KSR2: variants seen among roughly 807,000 people sequenced by gnomAD.
KSR2 encodes the protein kinase suppressor of ras 2.
Under a neutral mutation model 107.8 loss-of-function variants are expected in KSR2, and 25 were observed. That is an observed-to-expected ratio of 0.23 (90% CI 0.17 to 0.32). The LOEUF (loss-of-function observed/expected upper bound fraction) is 0.32. KSR2 is among the 10% of genes least tolerant of loss of function. KSR2 has a pLI of 1.00. For synonymous variants in KSR2, 480 were observed against 507.0 expected (o/e 0.95, Z 0.71); for missense variants, 887 against 1,268.9 (o/e 0.70, Z 4.57).
intron 7 of KSR2, among the ~76,000 whole-genome samples, chr12:117,570,778 C>T (rs1349130017): frequency 6.6e-6 from 1 of 152,188 alleles, no homozygotes; most frequent in Non-Finnish European, 1.5e-5. Context: ...CACTGTGTAT[C>T]AGAGAGGTTT....
chr12:117,543,004 G>C (rs1876617616), intron 9 of KSR2, among the ~76,000 whole-genome samples: 1 of 152,166 alleles, frequency 6.6e-6, no homozygotes, highest in Non-Finnish European at 1.5e-5. Flanking sequence ...GGATGTACTA[G>C]AGTTTGTTTA....
At chr12:117,750,469 T>C (rs1461611077) in intron 4 of KSR2, among the ~76,000 whole-genome samples, 2 of 152,070 alleles carry the variant, frequency 1.3e-5, no homozygotes, top group African/African-American at 4.8e-5. Context: ...CATTATAAGA[T>C]TTTTATTTTT....
intron 1 of KSR2, among the ~76,000 whole-genome samples, chr12:117,935,206 G>T (rs1202584871): frequency 6.6e-6 from 1 of 151,522 alleles, no homozygotes; most frequent in African/African-American, 2.4e-5. Context: ...CCCGATCACA[G>T]CTCACTGCAG....
In KSR2 at chr12:117,674,195, C is replaced by T. The variant is rs137930404; in HGVS notation, c.987-6537G>A. On this transcript the variant is annotated intron_variant, in intron 4 of 19. Coordinates refer to ENST00000339824, the MANE Select transcript of KSR2 (RefSeq NM_173598.6). ...TACAGTATCAAAACTAAAAGGATCC[C>T]GAGAAATCTTACATTGTCTTTGAAT... 45 of 442,526 alleles carry T rather than the reference C, an allele frequency of 1.0e-4. No individual in the cohort carries two copies. In the East Asian group the frequency reaches 1.9e-3, roughly 19 times the overall value. The allele number at this position is 442,526 out of a possible 1,614,324, so 27.4% of individuals were successfully genotyped here. A position where few individuals can be genotyped will look rare whatever the true frequency, so the allele number is the denominator to read the frequency against.
At chr12:117,938,854 C>T (rs919360201) in intron 1 of KSR2, among the ~76,000 whole-genome samples, 3 of 152,092 alleles carry the variant, frequency 2.0e-5, no homozygotes, top group East Asian at 1.9e-4. Flanking sequence ...TTTCAGATAC[C>T]GTGTCCAGAA....
In KSR2 at chr12:117,632,489, G is replaced by A. The variant is rs536805254; in HGVS notation, c.1171+34985C>T. Among the ~76,000 whole-genome samples the A allele has an allele frequency of 2.6e-5, 4 of 152,144 alleles. No homozygotes were observed. The East Asian group carries it at 7.8e-4, about 29-fold the overall frequency. Reference sequence around the variant, plus strand: ...GATCAACCTGCCTCGGCCTCCCAAAGTGCTGGGATTACAGGCATGAGCCAC... The same window carrying A: ...GATCAACCTGCCTCGGCCTCCCAAAATGCTGGGATTACAGGCATGAGCCAC... On this transcript the variant is annotated intron_variant, in intron 5 of 19. Coordinates refer to ENST00000339824, the MANE Select transcript of KSR2 (RefSeq NM_173598.6).
intron 3 of KSR2, among the ~76,000 whole-genome samples, chr12:117,839,361 C>T (rs368076462): frequency 3.3e-5 from 5 of 152,272 alleles, no homozygotes; most frequent in African/African-American, 9.6e-5. Flanking sequence ...GCTGGTACCC[C>T]GCAATTTACT....
At chr12:117,653,034 A>AT (rs1432211078) in intron 5 of KSR2, among the ~76,000 whole-genome samples, 1 of 152,232 alleles carries the variant, frequency 6.6e-6, no homozygotes, top group Non-Finnish European at 1.5e-5. Context: ...AAAATAGTAA[A>AT]TCAAAAACAA....
intron 1 of KSR2, among the ~76,000 whole-genome samples, chr12:117,924,602 A>AAAG (rs1354873818): frequency 1.3e-5 from 2 of 150,574 alleles, no homozygotes; most frequent in Non-Finnish European, 3.0e-5. Flanking sequence ...AAAAAGAAAG[A>AAAG]AAGAAAAGAA....
At chr12:117,762,847 A>G (rs1889090592) in intron 3 of KSR2, among the ~76,000 whole-genome samples, 1 of 152,050 alleles carries the variant, frequency 6.6e-6, no homozygotes, top group Non-Finnish European at 1.5e-5. Context: ...CAGCCTGGGC[A>G]ACAAGAGTGA....
At chr12:117,733,598 G>A (rs1887817150) in intron 4 of KSR2, among the ~76,000 whole-genome samples, 2 of 152,148 alleles carry the variant, frequency 1.3e-5, no homozygotes, top group Admixed American at 1.3e-4. Flanking sequence ...GCTGCCAAGA[G>A]CCTGCTGTAT....
chr12:117,573,511 T>C (rs1349779473), intron 7 of KSR2, among the ~76,000 whole-genome samples: 1 of 148,292 alleles, frequency 6.7e-6, no homozygotes, highest in African/African-American at 2.5e-5. Flanking sequence ...CCTGTGTTCC[T>C]ATCACATGTT....
At chr12:117,668,231 G>A (rs1884748789) in intron 4 of KSR2, among the ~76,000 whole-genome samples, 1 of 152,212 alleles carries the variant, frequency 6.6e-6, no homozygotes, top group South Asian at 2.1e-4. Context: ...GCCTTCGGTA[G>A]GATCACAGTG....
Position 117,968,430 on chromosome 12 carries a change from G to A in KSR2, c.-175C>T, listed in dbSNP as rs1896864480. 2 of 1,326,624 alleles carry A rather than the reference G, an allele frequency of 1.5e-6. No homozygotes were observed. Among genetic ancestry groups the A allele is most frequent in the South Asian group, 2.4e-5 (1 of 41,208 alleles). The allele number at this position is 1,326,624 out of a possible 1,614,324, so 82.2% of individuals were successfully genotyped here. ...TGAGGGGGTGGGAGTGGGAGGAGGG[G>A]ACAAGAGCCAAAATTTATTATTTTA... On this transcript the variant is annotated 5_prime_UTR_variant, in exon 1 of 20. Coordinates refer to ENST00000339824, the MANE Select transcript of KSR2 (RefSeq NM_173598.6).
chr12:117,793,508 C>T (rs1267409949), intron 3 of KSR2, among the ~76,000 whole-genome samples: 1 of 134,736 alleles, frequency 7.4e-6, no homozygotes, highest in Non-Finnish European at 1.5e-5. Flanking sequence ...CACCCTTACA[C>T]CAATATGCAC....
chr12:117,774,104 G>A lies in KSR2; in HGVS notation c.473-12580C>T, dbSNP rs566179667. On this transcript the variant is annotated intron_variant, in intron 3 of 19. Transcript: ENST00000339824. Reference sequence around the variant, plus strand: ...TCTCTGGAGCCCCCTAACCCCTCAGGAAATGAGAGACCCGTCCAGAAAGCC... The same window carrying A: ...TCTCTGGAGCCCCCTAACCCCTCAGAAAATGAGAGACCCGTCCAGAAAGCC... 4.6e-5 allele frequency among the ~76,000 whole-genome samples: 7 copies of A among 152,218 alleles called. No individual in the cohort carries two copies. In the South Asian group the frequency reaches 1.5e-3, roughly 32 times the overall value.
At chr12:117,536,046 C>T (rs1194150131) in intron 10 of KSR2, among the ~76,000 whole-genome samples, 1 of 151,976 alleles carries the variant, frequency 6.6e-6, no homozygotes. Flanking sequence ...CAAATACCAC[C>T]GAGGCTGCAC....
chr12:117,659,080 G>A (rs1884312544), intron 5 of KSR2, among the ~76,000 whole-genome samples: 1 of 152,120 alleles, frequency 6.6e-6, no homozygotes. Context: ...TCAAGAGAGG[G>A]GTTACTGGGA....
rs533333056 is a variant in KSR2, at chr12:117,797,515, C to T, written c.473-35991G>A. ...ATGAGGAGCGACTGTTTAATGGCTA[C>T]GGGGTTTCTATTTGGTGTGATGACA... On this transcript the variant is annotated intron_variant, in intron 3 of 19. Transcript: ENST00000339824. Among the ~76,000 whole-genome samples the T allele has an allele frequency of 6.9e-5, 9 of 130,500 alleles. No homozygotes were observed. In the East Asian group the frequency reaches 7.8e-4, roughly 11 times the overall value. The allele number at this position is 130,500 out of a possible 152,430, so 85.6% of individuals were successfully genotyped here.
Sources: allele counts gnomAD v4.1 joint callset (sites outside exome capture counted in the v4.1 genomes callset), GRCh38; gene constraint gnomAD v4.1.1; transcripts MANE v1.5; gene names NCBI Gene and HGNC (gene_info 2026-07-23, HGNC 2026-07-21).